STXBP5L: variants seen among roughly 807,000 people sequenced by gnomAD.
The protein encoded by STXBP5L is syntaxin binding protein 5L.
STXBP5L carries 65 observed loss-of-function variants against 144.5 expected under a neutral mutation model. The observed-to-expected ratio is 0.45, with a 90% CI of 0.37 to 0.55. The LOEUF (loss-of-function observed/expected upper bound fraction) is 0.55. Ranked by LOEUF, STXBP5L falls within the 20% of genes least tolerant of loss-of-function variation. STXBP5L has a pLI of 0.00. For synonymous variants in STXBP5L, 505 were observed against 469.6 expected (o/e 1.08, Z -0.97); for missense variants, 1,298 against 1,405.5 (o/e 0.92, Z 1.22).
intron 3 of STXBP5L, among the ~76,000 whole-genome samples, chr3:121,036,753 G>A (rs543756250): frequency 7.7e-4 from 108 of 139,654 alleles, no homozygotes; most frequent in Admixed American, 1.8e-3. Context: ...TCAGTTGATA[G>A]GATGACTTAC....
chr3:121,178,331 T>G (rs887732910), intron 9 of STXBP5L, among the ~76,000 whole-genome samples: 3 of 152,202 alleles, frequency 2.0e-5, no homozygotes, highest in Non-Finnish European at 2.9e-5. Flanking sequence ...TAGTCTCCCT[T>G]ACAGGTAAGT....
intron 5 of STXBP5L, among the ~76,000 whole-genome samples, chr3:121,079,657 T>G (rs1482944268): frequency 6.6e-6 from 1 of 152,238 alleles, no homozygotes; most frequent in Non-Finnish European, 1.5e-5. Flanking sequence ...TTGGAGTTGA[T>G]TTCCAGTTTT....
At chr3:121,120,388 GTTTAA>G (rs2044405035) in intron 6 of STXBP5L, among the ~76,000 whole-genome samples, 2 of 151,304 alleles carry the variant, frequency 1.3e-5, no homozygotes, top group Middle Eastern at 3.4e-3. Context: ...ATGAAGCCCT[GTTTAA>G]TTTCTTTTCT....
At chr3:121,344,811 AC>A (rs1248753076) in intron 20 of STXBP5L, among the ~76,000 whole-genome samples, 1 of 151,840 alleles carries the variant, frequency 6.6e-6, no homozygotes, top group African/African-American at 2.4e-5. Context: ...ATCAATTGAT[AC>A]TATACATAGA....
intron 3 of STXBP5L, among the ~76,000 whole-genome samples, chr3:121,002,163 T>C (rs1217704154): frequency 6.6e-6 from 1 of 152,220 alleles, no homozygotes; most frequent in Non-Finnish European, 1.5e-5. Flanking sequence ...AATTTATGTT[T>C]TTCACTAATA....
chr3:121,042,839 A>G (rs1947253260), intron 4 of STXBP5L, among the ~76,000 whole-genome samples: 1 of 151,980 alleles, frequency 6.6e-6, no homozygotes, highest in South Asian at 2.1e-4. Context: ...TGGGGTACTG[A>G]AATGAGAAAG....
At chr3:121,213,208 C>A (rs1401499964) in intron 10 of STXBP5L, among the ~76,000 whole-genome samples, 1 of 152,136 alleles carries the variant, frequency 6.6e-6, no homozygotes, top group Non-Finnish European at 1.5e-5. Context: ...TTATTTCTTT[C>A]TCTTGCCTGA....
intron 14 of STXBP5L, among the ~76,000 whole-genome samples, chr3:121,249,925 T>G (rs1382597423): frequency 6.6e-6 from 1 of 152,114 alleles, no homozygotes; most frequent in East Asian, 1.9e-4. Flanking sequence ...TGTCAAATGC[T>G]TTTTCTGCAT....
chr3:121,041,086 C>T (rs1278871490), intron 3 of STXBP5L, among the ~76,000 whole-genome samples: 1 of 151,558 alleles, frequency 6.6e-6, no homozygotes, highest in Non-Finnish European at 1.5e-5. Context: ...CATTCCTCCT[C>T]CTTCCTTTTT....
At chr3:121,133,900 A>G (rs2045117326) in intron 7 of STXBP5L, among the ~76,000 whole-genome samples, 1 of 151,992 alleles carries the variant, frequency 6.6e-6, no homozygotes, top group Non-Finnish European at 1.5e-5. Flanking sequence ...TCTCATGAGA[A>G]CTCCCTCATT....
rs535540109 is a variant in STXBP5L at position 121,057,863 on chromosome 3, C to G, written c.470+12328C>G. 1.1e-4 allele frequency among the ~76,000 whole-genome samples: 17 copies of G among 152,036 alleles called. No homozygotes were observed. In the South Asian group the frequency reaches 3.5e-3, roughly 32 times the overall value. On this transcript the variant is annotated intron_variant, in intron 5 of 26. Coordinates refer to ENST00000471454, the MANE Select transcript of STXBP5L (RefSeq NM_001308330.2). ...CTTTTTTCTATCTCTCATTCTCTGT[C>G]TCTCACTCTATCTTCCAAATACATA...
chr3:121,328,519 C>T (rs1469672169), intron 20 of STXBP5L, among the ~76,000 whole-genome samples: 1 of 152,074 alleles, frequency 6.6e-6, no homozygotes, highest in Admixed American at 6.6e-5. Context: ...GAGGCCGAGG[C>T]AGGTAGATTT....
intron 3 of STXBP5L, among the ~76,000 whole-genome samples, chr3:120,980,845 A>T (rs1032902033): frequency 6.6e-6 from 1 of 152,158 alleles, no homozygotes; most frequent in African/African-American, 2.4e-5. Context: ...GGCATTGCCC[A>T]TTCATTTCCA....
At chr3:121,194,339 C>T (rs2047833795) in intron 9 of STXBP5L, among the ~76,000 whole-genome samples, 1 of 152,068 alleles carries the variant, frequency 6.6e-6, no homozygotes, top group Non-Finnish European at 1.5e-5. Flanking sequence ...TTTCACGATT[C>T]ATTCATGTCG....
At position 121,418,577 on chromosome 3, in the gene STXBP5L, A is replaced by T. The variant is rs765960147; in HGVS notation, c.3447+20A>T. The T allele has an allele frequency of 3.1e-6, 5 of 1,610,790 alleles. No homozygotes were observed. The highest frequency in any genetic ancestry group is 4.2e-6 in the Non-Finnish European group (5 of 1,177,660). ...CATGAGGTAAACTGCCTAAGTAAAT[A>T]CAGACATCTTCATACAGGAGTAACT... On this transcript the variant is annotated intron_variant, in intron 26 of 26. Coordinates refer to ENST00000471454, the MANE Select transcript of STXBP5L (RefSeq NM_001308330.2).
chr3:121,180,641 G>A (rs910361954), intron 9 of STXBP5L, among the ~76,000 whole-genome samples: 11 of 152,150 alleles, frequency 7.2e-5, no homozygotes, highest in Admixed American at 1.3e-4. Flanking sequence ...TGGGCAGGCC[G>A]AGGCAGGTGG....
intron 20 of STXBP5L, among the ~76,000 whole-genome samples, chr3:121,326,232 C>T (rs1038531898): frequency 1.3e-5 from 2 of 152,026 alleles, no homozygotes; most frequent in African/African-American, 4.8e-5. Flanking sequence ...TAAAAAATAC[C>T]TCTTTACCCA....
chr3:121,119,267 C>G (rs988380604), intron 6 of STXBP5L, among the ~76,000 whole-genome samples: 3 of 151,314 alleles, frequency 2.0e-5, no homozygotes, highest in African/African-American at 7.3e-5. Context: ...TAGTAACTTT[C>G]CTTATGTAGG....
At chr3:121,305,337 A>T (rs1386464687) in intron 19 of STXBP5L, among the ~76,000 whole-genome samples, 1 of 152,170 alleles carries the variant, frequency 6.6e-6, no homozygotes, top group Non-Finnish European at 1.5e-5. Flanking sequence ...AATGTTGATA[A>T]CTAAAACTTG....
Sources: gnomAD v4.1 joint callset for allele counts (sites outside exome capture counted in the v4.1 genomes callset) on GRCh38, gnomAD v4.1.1 for gene constraint, MANE v1.5 for transcripts, NCBI Gene and HGNC (gene_info 2026-07-23, HGNC 2026-07-21) for gene names.